The following ADCY4 variants were observed in gnomAD, a reference collection of about 807,000 sequenced individuals.
ADCY4 encodes adenylate cyclase type 4.
In ADCY4, 111 loss-of-function variants were observed where a neutral mutation model predicts 125.5. The ratio of observed to expected loss-of-function variants is 0.88; its 90% CI spans 0.76 to 1.04. The LOEUF is 1.04. Ranked by LOEUF, ADCY4 falls within the 50% of genes least tolerant of loss-of-function variation. The probability of loss-of-function intolerance (pLI) is 0.00; values close to 1 mark genes in which losing one functional copy is unlikely to be tolerated. For missense variants in ADCY4, 1,256 were observed against 1,382.9 expected (o/e 0.91, Z 1.46); for synonymous variants, 576 against 586.9 (o/e 0.98, Z 0.27).
chr14:24,326,003 C>G, intron 12 of ADCY4, 76 bp downstream of exon 12: 1 of 1,563,408 alleles, frequency 6.4e-7, no homozygotes, highest in Non-Finnish European at 8.7e-7. Flanking sequence ...CCTCCAGCCC[C>G]TCAGGGAGCA....
In ADCY4 at chr14:24,323,462, G is replaced by A; in HGVS notation, c.2047-8C>T. The A allele has an allele frequency of 6.4e-7, 1 of 1,551,906 alleles. No homozygotes were observed. Among genetic ancestry groups the A allele is most frequent in the Middle Eastern group, 1.7e-4 (1 of 5,992 alleles). On this transcript the variant is annotated splice_region_variant and splice_polypyrimidine_tract_variant and intron_variant, in intron 16 of 24. Coordinates refer to ENST00000418030, the MANE Select transcript of ADCY4 (RefSeq NM_001198568.2). ...TGATGTTGGGAAGAAGAACTGCAGA[G>A]GAGATGAGGAGTTGAAGAGGCAGGT... is the stretch of plus-strand genomic sequence containing the variant.
Position 24,319,572 on chromosome 14 carries a change from G to T in ADCY4, c.2734-136C>A. ...GATAGTGTCAGGAAGGAGAGGGTTG[G>T]TGGTGGGCAGTGTTGCTGGAGTGGG... On this transcript the variant is annotated intron_variant, in intron 21 of 24. Transcript: ENST00000418030. This position sits in a 1 kb window ranked among gnomAD's most constrained non-coding sequence, Gnocchi z 4.5. 8.4e-7 allele frequency: 1 copy of T among 1,195,878 alleles called. No individual in the cohort carries two copies. The highest frequency in any genetic ancestry group is 1.2e-6 in the Non-Finnish European group (1 of 827,656). 74.1% of individuals were successfully genotyped at this position (1,195,878 alleles called of 1,614,324 possible). A position where few individuals can be genotyped will look rare whatever the true frequency, so the allele number is the denominator to read the frequency against.
In ADCY4 at chr14:24,319,815, G is replaced by A. The variant is rs568163441; in HGVS notation, c.2660C>T (p.Ser887Phe). 9.9e-6 allele frequency: 16 copies of A among 1,614,186 alleles called. No individual in the cohort carries two copies. The Admixed American group carries it at 1.8e-4, about 18-fold the overall frequency. ...ASVPDFKEFY[S>F]ESNINHEGLE... ...GCCCTCATGATTGATGTTGGATTCAGAGTAGAACTCCTTGAAGTCTGGGAC... is the reference window on the plus strand; with the variant it reads ...GCCCTCATGATTGATGTTGGATTCAAAGTAGAACTCCTTGAAGTCTGGGAC... Residue 887 changes from serine to phenylalanine, a missense_variant, in exon 21 of 25, where the codon TCT (serine) becomes TTT (phenylalanine). By Grantham distance (155) the Ser-to-Phe change is radical. Coordinates refer to ENST00000418030, the MANE Select transcript of ADCY4 (RefSeq NM_001198568.2). This position sits in a 1 kb window ranked among gnomAD's most constrained non-coding sequence, Gnocchi z 4.5.
rs140840817 is a variant in ADCY4 at position 24,329,076 on chromosome 14, G to C, written c.1509C>G (p.Thr503=). ...HLSHGDSPVS[T]STPLPEKTLA... is the part of the protein sequence containing the mutation. ...GTGCACATACCGGGAGAGGGGTGGA[G>C]GTGGACACAGGGCTGTCTCCGTGGC... Residue 503 remains threonine (T), a synonymous_variant, in exon 10 of 25, where the codon ACC becomes ACG. Coordinates refer to ENST00000418030, the MANE Select transcript of ADCY4 (RefSeq NM_001198568.2). 1.2e-6 allele frequency: 2 copies of C among 1,613,662 alleles called. No homozygotes were observed. The highest frequency in any genetic ancestry group is 8.5e-7 in the Non-Finnish European group (1 of 1,179,758).
intron 10 of ADCY4, 50 bp downstream of exon 10, chr14:24,329,011 T>TTG (rs772560689): frequency 1.9e-6 from 3 of 1,586,832 alleles, no homozygotes; most frequent in Non-Finnish European, 2.6e-6. Flanking sequence ...CTGAGGATAC[T>TTG]GGGGGTGGAT....
At chr14:24,324,269 G>A in intron 15 of ADCY4, 38 bp downstream of exon 15, 3 of 1,613,954 alleles carry the variant, frequency 1.9e-6, no homozygotes, top group Non-Finnish European at 2.5e-6. Flanking sequence ...TGTGACCAGG[G>A]CTCCGGCATA....
Position 24,322,076 on chromosome 14 carries a change from C to T in ADCY4, c.2576G>A (p.Arg859Gln), listed in dbSNP as rs762502220. The change falls in exon 20 of 25, where the codon CGG becomes CAG. Residue 859 changes from arginine to glutamine, a missense_variant. Coordinates refer to ENST00000418030, the MANE Select transcript of ADCY4 (RefSeq NM_001198568.2). ...GGGGTCAGGAGTCACCTCGTTGCGC[C>T]GGTTCTGGCCAATGAACTGGGGGGC... ...HVAPQFIGQN[R>Q]RNEDLYHQSY... 4.5e-5 allele frequency: 73 copies of T among 1,612,096 alleles called. No individual in the cohort carries two copies. The highest frequency in any genetic ancestry group is 5.7e-5 in the Non-Finnish European group (67 of 1,178,542).
Position 24,324,144 on chromosome 14 carries a change from A to C in ADCY4, c.1964T>G (p.Leu655Arg). 6.2e-7 allele frequency: 1 copy of C among 1,614,238 alleles called. No homozygotes were observed. Among genetic ancestry groups the C allele is most frequent in the Non-Finnish European group, 8.5e-7 (1 of 1,180,024 alleles). The change falls in exon 16 of 25, where the codon CTG (leucine) becomes CGG (arginine). Residue 655 changes from leucine to arginine, a missense_variant. Physicochemically the swap from Leu to Arg is moderately radical, Grantham distance 102. Coordinates refer to ENST00000418030, the MANE Select transcript of ADCY4 (RefSeq NM_001198568.2). The stretch of plus-strand genomic sequence containing the variant: ...TCTCAGTCCTGGTCGTGTGGCCACC[A>C]GGCCAGACAGTGCAGGCAGCCAGTG... Reference protein sequence around the residue: ...MLHWLPALSGLVATRPGLRIA... With the variant: ...MLHWLPALSGRVATRPGLRIA...
Position 24,332,712 on chromosome 14 carries a change from C to T in ADCY4, c.358-29G>A, listed in dbSNP as rs74467017. ...GGGGCGGGGCGCGGGAAGCCGAAGG[C>T]CCAAGTGGGGCTATTCAAGGCCTGG... On this transcript the variant is annotated intron_variant, in intron 2 of 24. Coordinates refer to ENST00000418030, the MANE Select transcript of ADCY4 (RefSeq NM_001198568.2). 2,307 of 1,570,754 alleles carry T rather than the reference C, an allele frequency of 1.5e-3. 40 individuals are homozygous for T. In the East Asian group the frequency reaches 0.042, roughly 29 times the overall value.
At chr14:24,334,005 C>T (rs1286041222) in intron 1 of ADCY4, among the ~76,000 whole-genome samples, 1 of 152,224 alleles carries the variant, frequency 6.6e-6, no homozygotes, top group Non-Finnish European at 1.5e-5. Flanking sequence ...AGGGGCAGGC[C>T]ATTTCTAGAA....
chr14:24,332,731 G>A (rs1326159441), intron 2 of ADCY4, 48 bp from the exon 3 acceptor site: 2 of 1,550,290 alleles, frequency 1.3e-6, no homozygotes, highest in Non-Finnish European at 1.7e-6. Flanking sequence ...GGCTATTCAA[G>A]GCCTGGTGAG....
chr14:24,322,990 C>T lies in ADCY4; in HGVS notation c.2256G>A (p.Ala752=), dbSNP rs138268416. ...LKLLLLLLWL[A]ASCSLFLHSH... is the part of the protein sequence containing the mutation. The stretch of plus-strand genomic sequence containing the variant: ...AGTGCAGGAAGAGGGAGCAGGATGC[C>T]GCCAGCCACAGCAGGAGCAGCAGCA... Residue 752 remains alanine (A), a synonymous_variant, in exon 18 of 25, where the codon GCG becomes GCA. Coordinates refer to ENST00000418030, the MANE Select transcript of ADCY4 (RefSeq NM_001198568.2). 50 of 1,613,860 alleles carry T rather than the reference C, an allele frequency of 3.1e-5. No homozygotes were observed. The highest frequency in any genetic ancestry group is 3.1e-4 in the African/African-American group (23 of 74,910).
chr14:24,318,854 G>A, intron 23 of ADCY4, 76 bp from the exon 24 acceptor site: 1 of 1,596,706 alleles, frequency 6.3e-7, no homozygotes, highest in South Asian at 1.1e-5. Context: ...TGGAAGGAAG[G>A]GAGAAGAGCC....
intron 10 of ADCY4, among the ~76,000 whole-genome samples, chr14:24,326,785 G>A (rs2041953591): frequency 2.0e-5 from 3 of 151,980 alleles, no homozygotes; most frequent in Admixed American, 2.0e-4. Flanking sequence ...GTAGAGATGG[G>A]GTTTCACCAT....
In ADCY4 at chr14:24,319,937, C is replaced by T. The variant is rs1400857789; in HGVS notation, c.2587-49G>A. On this transcript the variant is annotated intron_variant, in intron 20 of 24. Coordinates refer to ENST00000418030, the MANE Select transcript of ADCY4 (RefSeq NM_001198568.2). This position sits in a 1 kb window ranked among gnomAD's most constrained non-coding sequence, Gnocchi z 4.5. ...GAGGGGTGTGTGTCATGTTCCTCTC[C>T]CTTCTAGAGGTCTGCGTGGGGCCCT... 8.7e-6 allele frequency: 14 copies of T among 1,603,216 alleles called. No homozygotes were observed. Among genetic ancestry groups the T allele is most frequent in the Non-Finnish European group, 9.4e-6 (11 of 1,176,422 alleles).
At position 24,322,316 on chromosome 14, in the gene ADCY4, C is replaced by A. The variant is rs903881077; in HGVS notation, c.2428-92G>T. The A allele has an allele frequency of 7.8e-5, 109 of 1,403,634 alleles. 2 individuals are homozygous for A. In the South Asian group the frequency reaches 1.3e-3, roughly 16 times the overall value. The allele number at this position is 1,403,634 out of a possible 1,614,324, so 86.9% of individuals were successfully genotyped here. A position where few individuals can be genotyped will look rare whatever the true frequency, so the allele number is the denominator to read the frequency against. On this transcript the variant is annotated intron_variant, in intron 19 of 24. Transcript: ENST00000418030. ...GCCCCAACTCCATGATGCCTGAAAC[C>A]ACCCCCACCCCACCCCCAGTTTAGA...
chr14:24,330,124 C>T (rs568019446), intron 7 of ADCY4, 44 bp downstream of exon 7: 1 of 1,602,484 alleles, frequency 6.2e-7, no homozygotes, highest in South Asian at 1.1e-5. Flanking sequence ...TGCTGCCCCC[C>T]ACATCCACCC....
At position 24,322,981 on chromosome 14, in the gene ADCY4, G is replaced by C; in HGVS notation, c.2265C>G (p.Cys755Trp). The C allele has an allele frequency of 6.2e-7, 1 of 1,614,042 alleles. No homozygotes were observed. Among genetic ancestry groups the C allele is most frequent in the Non-Finnish European group, 8.5e-7 (1 of 1,179,992 alleles). ...AGGCATGGGAGTGCAGGAAGAGGGA[G>C]CAGGATGCCGCCAGCCACAGCAGGA... ...LLLLLWLAAS[C>W]SLFLHSHAWL... The change falls in exon 18 of 25, where the codon TGC becomes TGG. Residue 755 changes from cysteine (C) to tryptophan (W), a missense_variant. Physicochemically the swap from Cys to Trp is radical, Grantham distance 215. Coordinates refer to ENST00000418030, the MANE Select transcript of ADCY4 (RefSeq NM_001198568.2).
At chr14:24,330,617 C>A in intron 6 of ADCY4, 1 of 352,280 alleles carries the variant, frequency 2.8e-6, no homozygotes, top group South Asian at 4.2e-5. Context: ...GAATTGGTTG[C>A]TTGGAGGCAT....
Sources: allele counts gnomAD v4.1 joint callset (sites outside exome capture counted in the v4.1 genomes callset), GRCh38; gene constraint gnomAD v4.1.1; non-coding constraint Gnocchi (gnomAD v3.1); transcripts MANE v1.5; gene names NCBI Gene and HGNC (gene_info 2026-07-23, HGNC 2026-07-21).